Variants in SCFD2 observed in about 807,000 individuals in gnomAD.
SCFD2 encodes the protein sec1 family domain containing 2.
In SCFD2, 54 loss-of-function variants were observed where a neutral mutation model predicts 58.9. The ratio of observed to expected loss-of-function variants is 0.92; its 90% CI spans 0.74 to 1.15. SCFD2 has a LOEUF of 1.15. SCFD2 is among the 50% of genes most tolerant of loss of function. SCFD2 has a pLI of 0.00. For synonymous variants in SCFD2, 321 were observed against 335.9 expected, an observed-to-expected ratio of 0.96 and a Z score of 0.49; for missense variants, 805 against 836.6, an observed-to-expected ratio of 0.96 and a Z score of 0.47.
chr4:53,258,040 C>G (rs1730701362), intron 4 of SCFD2, among the ~76,000 whole-genome samples: 1 of 152,056 alleles, frequency 6.6e-6, no homozygotes, highest in Admixed American at 6.6e-5. Flanking sequence ...TATCATTGAT[C>G]GAGGGCCATA....
chr4:52,968,200 G>C (rs1721005425), intron 5 of SCFD2, among the ~76,000 whole-genome samples: 1 of 152,220 alleles, frequency 6.6e-6, no homozygotes, highest in African/African-American at 2.4e-5. Context: ...CGGGGCTACT[G>C]TGTGCCAGGC....
chr4:53,133,323 G>A (rs573985379), intron 5 of SCFD2, among the ~76,000 whole-genome samples: 93 of 56,670 alleles, frequency 1.6e-3, no homozygotes, highest in South Asian at 2.7e-3. Flanking sequence ...GCAAGACTCC[G>A]TCTCAAAAAA....
chr4:53,334,001 T>A (rs973495134), intron 2 of SCFD2, among the ~76,000 whole-genome samples: 44 of 151,126 alleles, frequency 2.9e-4, no homozygotes, highest in Non-Finnish European at 5.9e-4. Flanking sequence ...CATGAAAAAA[T>A]GCTCATTATC....
chr4:52,939,405 G>C (rs970326428), intron 5 of SCFD2, among the ~76,000 whole-genome samples: 3 of 152,096 alleles, frequency 2.0e-5, no homozygotes, highest in African/African-American at 7.2e-5. Context: ...TCCAATCCAG[G>C]CTTGTCTGAA....
chr4:52,930,039 T>A (rs761088865), intron 5 of SCFD2, among the ~76,000 whole-genome samples: 17 of 152,162 alleles, frequency 1.1e-4, no homozygotes, highest in African/African-American at 4.1e-4. Flanking sequence ...AAAGAGCCTG[T>A]ATAGCCAAGA....
intron 4 of SCFD2, among the ~76,000 whole-genome samples, chr4:53,188,439 G>T (rs1240724833): frequency 6.6e-6 from 1 of 151,436 alleles, no homozygotes; most frequent in Non-Finnish European, 1.5e-5. Flanking sequence ...GTGTGTGTGT[G>T]TGTGTGTGTG....
intron 8 of SCFD2, among the ~76,000 whole-genome samples, chr4:52,878,456 T>C (rs1156964670): frequency 6.6e-6 from 1 of 152,200 alleles, no homozygotes; most frequent in African/African-American, 2.4e-5. Flanking sequence ...GAGCATGAAA[T>C]ATAATAGTTG....
intron 3 of SCFD2, among the ~76,000 whole-genome samples, chr4:53,306,133 TG>T (rs1732505687): frequency 6.6e-6 from 1 of 152,052 alleles, no homozygotes; most frequent in African/African-American, 2.4e-5. Context: ...ATAGAGAAAA[TG>T]TTGGGAGAGA....
At chr4:52,999,880 G>C (rs1329958641) in intron 5 of SCFD2, among the ~76,000 whole-genome samples, 1 of 152,152 alleles carries the variant, frequency 6.6e-6, no homozygotes, top group Non-Finnish European at 1.5e-5. Flanking sequence ...GATCCTCCTG[G>C]GCTGTTCTGT....
intron 5 of SCFD2, among the ~76,000 whole-genome samples, chr4:53,011,379 A>G (rs533286625): frequency 6.6e-6 from 1 of 152,166 alleles, no homozygotes; most frequent in Non-Finnish European, 1.5e-5. Context: ...CATGCTTCCA[A>G]TCAAAACAGT....
intron 4 of SCFD2, among the ~76,000 whole-genome samples, chr4:53,239,176 C>T (rs1202598509): frequency 1.3e-5 from 2 of 151,672 alleles, no homozygotes; most frequent in African/African-American, 4.8e-5. Context: ...CTGGCCAACA[C>T]AGCGAAACCC....
intron 5 of SCFD2, among the ~76,000 whole-genome samples, chr4:53,000,955 G>C (rs766881644): frequency 6.6e-6 from 1 of 152,174 alleles, no homozygotes; most frequent in Non-Finnish European, 1.5e-5. Context: ...GAAGGATCTA[G>C]CATTCTTCTA....
intron 3 of SCFD2, among the ~76,000 whole-genome samples, chr4:53,276,959 C>T (rs1461317692): frequency 1.3e-5 from 2 of 152,126 alleles, no homozygotes; most frequent in Admixed American, 6.5e-5. Context: ...TTTTGCCATC[C>T]TATATCTGTT....
chr4:53,249,670 A>T (rs1479970694), intron 4 of SCFD2, among the ~76,000 whole-genome samples: 1 of 152,206 alleles, frequency 6.6e-6, no homozygotes, highest in Non-Finnish European at 1.5e-5. Flanking sequence ...TAAAGAAAAG[A>T]ATTTTCAACC....
At chr4:53,313,486 G>A (rs187426166) in intron 3 of SCFD2, 150 bp downstream of exon 3, 93 of 786,114 alleles carry the variant, frequency 1.2e-4, no homozygotes, top group Admixed American at 4.1e-4. Context: ...CAAGGGCAGC[G>A]TGCACATATT....
chr4:52,945,550 T>C (rs1577848494), intron 5 of SCFD2: 1 of 152,176 alleles, frequency 6.6e-6, no homozygotes, highest in East Asian at 1.9e-4. Context: ...CATTAATACT[T>C]AGTGTTCATC....
At chr4:53,078,838 A>T in intron 5 of SCFD2, among the ~76,000 whole-genome samples, 1 of 152,208 alleles carries the variant, frequency 6.6e-6, no homozygotes, top group Non-Finnish European at 1.5e-5. Flanking sequence ...TTGTTCTTTT[A>T]CTTGCACTTA....
intron 5 of SCFD2, among the ~76,000 whole-genome samples, chr4:53,090,387 C>A (rs1418200334): frequency 6.6e-6 from 1 of 152,132 alleles, no homozygotes; most frequent in Non-Finnish European, 1.5e-5. Flanking sequence ...GGAAAGGTAA[C>A]CAGGAGGGGA....
rs1315827966 is a variant in SCFD2 at position 53,311,583 on chromosome 4, CA to C, written c.1135+2052del. The stretch of plus-strand genomic sequence containing the variant: ...ATCATAATGTTGTATCACTGAAACA[CA>C]ATATAAATTAACCTTAGCATGAAGA... On this transcript the variant is annotated intron_variant, in intron 3 of 8. Transcript: ENST00000401642. 3.3e-5 allele frequency among the ~76,000 whole-genome samples: 5 copies of C among 151,912 alleles called. 1 individual carries two copies. The highest frequency in any genetic ancestry group is 1.2e-4 in the African/African-American group (5 of 41,354).
Sources: gnomAD v4.1 joint callset for allele counts (sites outside exome capture counted in the v4.1 genomes callset) on GRCh38, gnomAD v4.1.1 for gene constraint, MANE v1.5 for transcripts, NCBI Gene and HGNC (gene_info 2026-07-23, HGNC 2026-07-21) for gene names.